Variants in FSD2 observed in about 807,000 individuals in gnomAD.
FSD2 encodes the protein fibronectin type III and SPRY domain-containing protein 2.
Under a neutral mutation model 80.4 loss-of-function variants are expected in FSD2, and 71 were observed. The observed-to-expected ratio is 0.88, with a 90% confidence interval of 0.73 to 1.08. FSD2 has a LOEUF of 1.08. FSD2 is among the 50% of genes least tolerant of loss of function. The probability of loss-of-function intolerance (pLI) is 0.00; values close to 1 mark genes in which losing one functional copy is unlikely to be tolerated. For missense variants in FSD2, 923 were observed against 913.8 expected (o/e 1.01, Z -0.13); for synonymous variants, 361 against 329.5 (o/e 1.10, Z -1.03).
chr15:82,759,849 A>G (rs1567296068), intron 12 of FSD2, among the ~76,000 whole-genome samples: 1 of 151,272 alleles, frequency 6.6e-6, no homozygotes, highest in African/African-American at 2.4e-5. Context: ...GCTGGAGTGC[A>G]GTGGTGCAAT....
At chr15:82,779,653 C>T (rs925859476) in intron 5 of FSD2, among the ~76,000 whole-genome samples, 5 of 144,768 alleles carry the variant, frequency 3.5e-5, no homozygotes, top group East Asian at 4.0e-4. Flanking sequence ...GCAACAAGAA[C>T]GAAACTGTCT....
At chr15:82,781,431 C>T (rs1225272252) in intron 4 of FSD2, among the ~76,000 whole-genome samples, 2 of 152,130 alleles carry the variant, frequency 1.3e-5, no homozygotes, top group East Asian at 1.9e-4. Context: ...TACTCTTGGA[C>T]AATGTGGGGG....
At position 82,758,511 on chromosome 15, in the gene FSD2, C is replaced by G. The variant is rs2049218102; in HGVS notation, c.*837G>C. The G allele has an allele frequency of 6.5e-6, 1 of 153,240 alleles. No homozygotes were observed. Among genetic ancestry groups the G allele is most frequent in the Admixed American group, 6.5e-5 (1 of 15,288 alleles). The allele number at this position is 153,240 out of a possible 1,614,324, so 9.5% of individuals were successfully genotyped here. On this transcript the variant is annotated 3_prime_UTR_variant, in exon 13 of 13. Coordinates refer to ENST00000334574, the MANE Select transcript of FSD2 (RefSeq NM_001007122.4). ...AATATGCCACAGATGCCCTTCTGTT[C>G]TTTCACGCTGCCTCCATTCTAGGTT...
At position 82,759,374 on chromosome 15, in the gene FSD2, T is replaced by C. The variant is rs201393187; in HGVS notation, c.2224A>G (p.Met742Val). 4.4e-4 allele frequency: 712 copies of C among 1,613,426 alleles called. 2 individuals are homozygous for C. Among genetic ancestry groups the C allele is most frequent in the Middle Eastern group, 8.2e-4 (5 of 6,062 alleles). ...GCLKVHNGIS[M>V]PKHVTFY ...TAATAGAAAGTGACATGTTTTGGCA[T>C]TGAAATGCCATTATGTACCTTTAGA... The change falls in exon 13 of 13, where the codon ATG becomes GTG. Residue 742 changes from methionine to valine, a missense_variant. Transcript: ENST00000334574.
At chr15:82,778,052 T>C (rs933043063) in intron 6 of FSD2, among the ~76,000 whole-genome samples, 1 of 146,170 alleles carries the variant, frequency 6.8e-6, no homozygotes, top group Non-Finnish European at 1.5e-5. Flanking sequence ...GGGAAGATCA[T>C]GTGAGCCCAG....
chr15:82,792,426 G>A (rs1311822798), intron 1 of FSD2, among the ~76,000 whole-genome samples: 1 of 152,140 alleles, frequency 6.6e-6, no homozygotes, highest in Non-Finnish European at 1.5e-5. Context: ...TTGAAGAAAT[G>A]CCTCTCCAAA....
chr15:82,783,676 A>C (rs79176116), intron 3 of FSD2, among the ~76,000 whole-genome samples: 21,108 of 152,238 alleles, frequency 0.14, 1,934 homozygotes, highest in South Asian at 0.33. Flanking sequence ...TTGGACCTTA[A>C]TGTGGAAATA....
intron 1 of FSD2, among the ~76,000 whole-genome samples, chr15:82,790,669 G>C (rs983346218): frequency 1.3e-5 from 2 of 151,676 alleles, no homozygotes; most frequent in Non-Finnish European, 2.9e-5. Flanking sequence ...TCCGCCTCCC[G>C]GGTTCACGCC....
rs72753960 is a variant in FSD2 at position 82,778,740 on chromosome 15, C to T, written c.1111+26G>A. ...AAAGCTCTGGGTAGTCTGAACCTGCCGCGAAGTACACACACAGGTGAGCAC... is the reference window on the plus strand; with the variant it reads ...AAAGCTCTGGGTAGTCTGAACCTGCTGCGAAGTACACACACAGGTGAGCAC... On this transcript the variant is annotated intron_variant, in intron 6 of 12. Coordinates refer to ENST00000334574, the MANE Select transcript of FSD2 (RefSeq NM_001007122.4). 8.1e-3 allele frequency: 12,838 copies of T among 1,579,210 alleles called. 75 individuals are homozygous for T. The highest frequency in any genetic ancestry group is 8.2e-3 in the Non-Finnish European group (9,553 of 1,162,856).
intron 1 of FSD2, among the ~76,000 whole-genome samples, chr15:82,804,209 G>A (rs772815445): frequency 4.6e-5 from 7 of 151,958 alleles, no homozygotes; most frequent in Non-Finnish European, 1.0e-4. Flanking sequence ...ATGAAAGAAG[G>A]CACCAAGCAG....
intron 1 of FSD2, among the ~76,000 whole-genome samples, chr15:82,798,100 A>G (rs2050322485): frequency 6.6e-6 from 1 of 152,104 alleles, no homozygotes; most frequent in African/African-American, 2.4e-5. Context: ...GCACTTTGGG[A>G]GGCAAAGGTG....
At position 82,758,122 on chromosome 15, in the gene FSD2, A is replaced by G. The variant is rs2049210401; in HGVS notation, c.*1226T>C. 1 of 152,128 alleles carries G rather than the reference A, an allele frequency of 6.6e-6. No homozygotes were observed. Among genetic ancestry groups the G allele is most frequent in the Admixed American group, 6.6e-5 (1 of 15,264 alleles). 9.4% of individuals were successfully genotyped at this position (152,128 alleles called of 1,614,324 possible). A position where few individuals can be genotyped will look rare whatever the true frequency, so the allele number is the denominator to read the frequency against. On this transcript the variant is annotated 3_prime_UTR_variant, in exon 13 of 13. Transcript: ENST00000334574. ...GACGGGGTTTCGCCAGAAAAAAGAA[A>G]AGTGGACTTTTTTTTTTTAAACACA...
At chr15:82,771,352 A>G (rs2151497399) in intron 7 of FSD2, among the ~76,000 whole-genome samples, 1 of 152,328 alleles carries the variant, frequency 6.6e-6, no homozygotes, top group East Asian at 1.9e-4. Flanking sequence ...CATGCCCAGG[A>G]CAGGTGCTGT....
intron 11 of FSD2, among the ~76,000 whole-genome samples, chr15:82,763,671 GTC>G (rs1397793529): frequency 8.7e-6 from 1 of 114,540 alleles, no homozygotes; most frequent in South Asian, 2.9e-4. Flanking sequence ...CTCCTCTCTG[GTC>G]TCTGTTTCCC....
chr15:82,796,531 C>T (rs1158982086), intron 1 of FSD2, among the ~76,000 whole-genome samples: 2 of 152,214 alleles, frequency 1.3e-5, no homozygotes, highest in Non-Finnish European at 2.9e-5. Context: ...ATCACCCAGA[C>T]GAACTGTTCT....
At position 82,759,400 on chromosome 15, in the gene FSD2, C is replaced by T; in HGVS notation, c.2198G>A (p.Cys733Tyr). Residue 733 changes from cysteine (C) to tyrosine (Y), a missense_variant, in exon 13 of 13, where the codon TGT becomes TAT. Physicochemically the swap from Cys to Tyr is radical, Grantham distance 194. Transcript: ENST00000334574. ...TGAAATGCCATTATGTACCTTTAGA[C>T]ACCCAGGCTTTTCCAAAGAAAAACA... is the stretch of plus-strand genomic sequence containing the variant. ...HPCFSLEKPG[C>Y]LKVHNGISMP... 1 of 1,613,724 alleles carries T rather than the reference C, an allele frequency of 6.2e-7. No homozygotes were observed. The highest frequency in any genetic ancestry group is 8.5e-7 in the Non-Finnish European group (1 of 1,179,778).
chr15:82,792,621 C>T (rs1034804859), intron 1 of FSD2, among the ~76,000 whole-genome samples: 4 of 152,136 alleles, frequency 2.6e-5, no homozygotes, highest in Non-Finnish European at 4.4e-5. Flanking sequence ...TTTAATTTTG[C>T]TGAAGTCTAG....
intron 1 of FSD2, among the ~76,000 whole-genome samples, chr15:82,800,717 C>T (rs1464244250): frequency 1.2e-5 from 1 of 84,538 alleles, no homozygotes; most frequent in Admixed American, 1.1e-4. Context: ...AAAAAAAGCC[C>T]CTCAGTCAGG....
chr15:82,791,257 C>T (rs1248819597), intron 1 of FSD2, among the ~76,000 whole-genome samples: 1 of 152,204 alleles, frequency 6.6e-6, no homozygotes, highest in Non-Finnish European at 1.5e-5. Flanking sequence ...CTCGGCCTCC[C>T]AAAGTGCTGG....
Sources: gnomAD v4.1 joint callset for allele counts (sites outside exome capture counted in the v4.1 genomes callset) on GRCh38, gnomAD v4.1.1 for gene constraint, MANE v1.5 for transcripts, NCBI Gene and HGNC (gene_info 2026-07-23, HGNC 2026-07-21) for gene names.